CADM1: variants seen among roughly 807,000 people sequenced by gnomAD.
CADM1 encodes the protein TSLC-1.
A neutral mutation model predicts 53.1 loss-of-function variants in CADM1; 15 were observed. The observed-to-expected ratio is 0.28, with a 90% CI of 0.19 to 0.44. The LOEUF is 0.44. Among genes scored for constraint, CADM1 ranks in the 20% least tolerant of loss-of-function variants. The pLI is 1.00. For synonymous variants in CADM1, 281 were observed against 243.0 expected, an observed-to-expected ratio of 1.16 and a Z score of -1.45; for missense variants, 434 against 611.3, an observed-to-expected ratio of 0.71 and a Z score of 3.06.
intron 1 of CADM1, among the ~76,000 whole-genome samples, chr11:115,438,720 C>CA (rs35512432): frequency 0.16 from 23,874 of 150,390 alleles, 2,048 homozygotes; most frequent in Non-Finnish European, 0.19. Context: ...ATGGTTTGAT[C>CA]AAAAAAAAAG....
At chr11:115,261,943 C>A (rs902911568) in intron 1 of CADM1, among the ~76,000 whole-genome samples, 29 of 152,084 alleles carry the variant, frequency 1.9e-4, no homozygotes, top group African/African-American at 7.0e-4. Flanking sequence ...CCACACCTGA[C>A]TAATTTTTTG....
At chr11:115,404,289 C>A (rs1195712698) in intron 1 of CADM1, among the ~76,000 whole-genome samples, 2 of 135,660 alleles carry the variant, frequency 1.5e-5, no homozygotes, top group South Asian at 2.5e-4. Context: ...TCATGCCACT[C>A]CACTCCAGCC....
At chr11:115,300,566 A>C (rs980298719) in intron 1 of CADM1, among the ~76,000 whole-genome samples, 9 of 152,272 alleles carry the variant, frequency 5.9e-5, no homozygotes, top group Admixed American at 5.9e-4. Flanking sequence ...ATACTATCGA[A>C]ATTCTGTCCT....
At chr11:115,218,833 A>C (rs1246689546) in intron 5 of CADM1, among the ~76,000 whole-genome samples, 2 of 152,160 alleles carry the variant, frequency 1.3e-5, no homozygotes, top group Non-Finnish European at 1.5e-5. Context: ...TTAAAACTGT[A>C]TTTGTCAGTG....
chr11:115,496,105 C>T (rs1327746649), intron 1 of CADM1, among the ~76,000 whole-genome samples: 2 of 152,160 alleles, frequency 1.3e-5, no homozygotes, highest in African/African-American at 2.4e-5. Flanking sequence ...GGAGACAATA[C>T]ATTTTCATGA....
intron 1 of CADM1, among the ~76,000 whole-genome samples, chr11:115,356,459 T>G (rs1038111194): frequency 6.6e-6 from 1 of 152,040 alleles, no homozygotes; most frequent in Non-Finnish European, 1.5e-5. Flanking sequence ...TCACTGGCCC[T>G]CCAGCACCTG....
chr11:115,504,361 A>C lies in CADM1; in HGVS notation c.34T>G (p.Cys12Gly). 1 of 1,548,396 alleles carries C rather than the reference A, an allele frequency of 6.5e-7. No homozygotes were observed. Among genetic ancestry groups the C allele is most frequent in the Non-Finnish European group, 8.7e-7 (1 of 1,146,256 alleles). ...GCCGCCGCCGCCGCTGCCGCCGCAC[A>C]CTGGGATCCGCTCGGCAGCACTACA... is the stretch of plus-strand genomic sequence containing the variant. ...ASVVLPSGSQ[C>G]AAAAAAAAPP... Residue 12 changes from cysteine (C) to glycine (G), a missense_variant, in exon 1 of 12, where the codon TGT becomes GGT. Cys to Gly is a radical substitution (Grantham distance 159). Coordinates refer to ENST00000331581, the MANE Select transcript of CADM1 (RefSeq NM_001301043.2).
At chr11:115,296,009 G>A (rs1210681850) in intron 1 of CADM1, among the ~76,000 whole-genome samples, 1 of 152,108 alleles carries the variant, frequency 6.6e-6, no homozygotes, top group South Asian at 2.1e-4. Flanking sequence ...GGAGTGCAGT[G>A]GTGCAACCAT....
chr11:115,289,967 C>T (rs1440622175), intron 1 of CADM1, among the ~76,000 whole-genome samples: 1 of 152,182 alleles, frequency 6.6e-6, no homozygotes, highest in Admixed American at 6.5e-5. Context: ...CTTTCTGTGA[C>T]ACACAGTGTG....
At chr11:115,323,819 A>G (rs1944887703) in intron 1 of CADM1, among the ~76,000 whole-genome samples, 1 of 151,934 alleles carries the variant, frequency 6.6e-6, no homozygotes, top group South Asian at 2.1e-4. Flanking sequence ...CAAAACGTAA[A>G]TATTCTGAAG....
At chr11:115,296,846 G>A (rs1591682999) in intron 1 of CADM1, among the ~76,000 whole-genome samples, 1 of 120,118 alleles carries the variant, frequency 8.3e-6, no homozygotes, top group African/African-American at 3.0e-5. Context: ...CTCATCTTTA[G>A]AGTGTGGACA....
At chr11:115,323,289 A>C (rs1330375419) in intron 1 of CADM1, among the ~76,000 whole-genome samples, 2 of 152,182 alleles carry the variant, frequency 1.3e-5, no homozygotes, top group Non-Finnish European at 2.9e-5. Flanking sequence ...CGGTAGAAAT[A>C]TATAAAATAT....
chr11:115,441,440 A>G (rs920434149), intron 1 of CADM1, among the ~76,000 whole-genome samples: 16 of 152,232 alleles, frequency 1.1e-4, no homozygotes, highest in African/African-American at 3.6e-4. Flanking sequence ...ACATTTAATA[A>G]TGATAACTGT....
chr11:115,178,813 A>G (rs559700868), intron 10 of CADM1, 38 bp from the exon 11 acceptor site: 1 of 1,612,526 alleles, frequency 6.2e-7, no homozygotes, highest in African/African-American at 1.3e-5. Flanking sequence ...TGTAGAGCTT[A>G]TTACAAGGCA....
Position 115,174,903 on chromosome 11 carries a change from C to G in CADM1, c.*1571G>C, listed in dbSNP as rs1938953067. 1 of 985,604 alleles carries G rather than the reference C, an allele frequency of 1.0e-6. No individual in the cohort carries two copies. Among genetic ancestry groups the G allele is most frequent in the South Asian group, 4.7e-5 (1 of 21,286 alleles). 61.1% of individuals were successfully genotyped at this position (985,604 alleles called of 1,614,324 possible). ...AGACGTTTCAGTGAAAATCCCCACA[C>G]TTCTTTCTTTAAAACATGTAAATGG... On this transcript the variant is annotated 3_prime_UTR_variant, in exon 12 of 12. Transcript: ENST00000331581.
chr11:115,364,131 A>C (rs935386893), intron 1 of CADM1, among the ~76,000 whole-genome samples: 2 of 152,218 alleles, frequency 1.3e-5, no homozygotes, highest in South Asian at 2.1e-4. Flanking sequence ...ATCGTGAAGC[A>C]ACACATGACT....
chr11:115,458,043 A>T (rs1204946152), intron 1 of CADM1, among the ~76,000 whole-genome samples: 1 of 151,900 alleles, frequency 6.6e-6, no homozygotes, highest in Non-Finnish European at 1.5e-5. Context: ...GAAAATATTT[A>T]TGGGTGTACT....
intron 10 of CADM1, among the ~76,000 whole-genome samples, chr11:115,184,297 A>G (rs1939442529): frequency 6.6e-6 from 1 of 152,222 alleles, no homozygotes; most frequent in African/African-American, 2.4e-5. Flanking sequence ...GGCAACAAAA[A>G]TAAGTGTGCA....
At chr11:115,327,161 A>C (rs138809259) in intron 1 of CADM1, among the ~76,000 whole-genome samples, 1 of 152,148 alleles carries the variant, frequency 6.6e-6, no homozygotes, top group Admixed American at 6.6e-5. Context: ...CTACCTTTAC[A>C]TATACGCTAT....
Sources: gnomAD v4.1 joint callset for allele counts (sites outside exome capture counted in the v4.1 genomes callset) on GRCh38, gnomAD v4.1.1 for gene constraint, MANE v1.5 for transcripts, NCBI Gene and HGNC (gene_info 2026-07-23, HGNC 2026-07-21) for gene names.